Variants in RAD51B observed in about 807,000 individuals in gnomAD.
RAD51B encodes RAD51 paralog B, also known as DNA repair protein RAD51 homolog 2.
In RAD51B, 38 loss-of-function variants were observed where a neutral mutation model predicts 42.2. The ratio of observed to expected loss-of-function variants is 0.90; its 90% confidence interval spans 0.70 to 1.18. RAD51B has a LOEUF of 1.18. Ranked by LOEUF, RAD51B falls within the 50% of genes most tolerant of loss-of-function variation. The pLI is 0.00. For synonymous variants in RAD51B, 154 were observed against 145.2 expected (o/e 1.06, Z -0.43); for missense variants, 373 against 400.7 (o/e 0.93, Z 0.59).
chr14:68,239,310 T>G (rs1461768566), intron 7 of RAD51B, among the ~76,000 whole-genome samples: 1 of 152,210 alleles, frequency 6.6e-6, no homozygotes, highest in African/African-American at 2.4e-5. Context: ...ACAGCCACTC[T>G]TGATGGTATT....
intron 7 of RAD51B, among the ~76,000 whole-genome samples, chr14:67,895,440 G>A (rs1272373516): frequency 6.6e-6 from 1 of 152,120 alleles, no homozygotes; most frequent in Non-Finnish European, 1.5e-5. Context: ...TAATGGGTCT[G>A]CTTCTCTCTT....
chr14:68,634,017 G>A (rs980590364), intron 10 of RAD51B, among the ~76,000 whole-genome samples: 3 of 152,214 alleles, frequency 2.0e-5, no homozygotes, highest in African/African-American at 7.2e-5. Context: ...GACTGCTGAA[G>A]TTTGACAGGA....
At chr14:68,179,610 CCTTT>C (rs1242978804) in intron 7 of RAD51B, among the ~76,000 whole-genome samples, 2 of 152,056 alleles carry the variant, frequency 1.3e-5, no homozygotes, top group Non-Finnish European at 2.9e-5. Flanking sequence ...TGCTTCACAG[CCTTT>C]CTTATGTCAT....
chr14:68,521,197 T>G (rs1280225325), intron 10 of RAD51B, among the ~76,000 whole-genome samples: 1 of 152,122 alleles, frequency 6.6e-6, no homozygotes, highest in Non-Finnish European at 1.5e-5. Flanking sequence ...AAGGAGGCAC[T>G]CCCAGAGAGG....
chr14:68,563,724 C>T (rs1431507177), intron 10 of RAD51B: 21 of 985,132 alleles, frequency 2.1e-5, no homozygotes, highest in South Asian at 4.7e-5. Context: ...TAAATGGGAA[C>T]GAAAGAGGGA....
intron 10 of RAD51B, among the ~76,000 whole-genome samples, chr14:68,626,653 A>G (rs944717352): frequency 4.6e-5 from 7 of 152,236 alleles, no homozygotes; most frequent in African/African-American, 1.4e-4. Context: ...GACTTCTCAC[A>G]GGATGGTGGC....
chr14:68,468,348 A>T, intron 10 of RAD51B, 98 bp downstream of exon 10: 1 of 1,315,598 alleles, frequency 7.6e-7, no homozygotes, highest in Non-Finnish European at 1.1e-6. Flanking sequence ...AGCTAGCTCC[A>T]GACAGAATCA....
chr14:68,428,434 A>C (rs2084905598), intron 9 of RAD51B, among the ~76,000 whole-genome samples: 1 of 152,044 alleles, frequency 6.6e-6, no homozygotes, highest in African/African-American at 2.4e-5. Context: ...ACAGTACCTT[A>C]TTAACTGTAT....
intron 7 of RAD51B, among the ~76,000 whole-genome samples, chr14:67,996,981 G>A (rs759633661): frequency 7.2e-5 from 11 of 152,068 alleles, no homozygotes; most frequent in Non-Finnish European, 1.2e-4. Flanking sequence ...ATAAATCTAC[G>A]TTTGTTTGTT....
At chr14:68,398,153 G>A (rs3784118) in intron 8 of RAD51B, among the ~76,000 whole-genome samples, 128,672 of 152,298 alleles carry the variant, frequency 0.84, 54,731 homozygotes, top group East Asian at 0.97. Flanking sequence ...CTAAAGCTGG[G>A]GAAGGCCTGG....
chr14:68,235,494 G>A (rs1368064805), intron 7 of RAD51B, among the ~76,000 whole-genome samples: 3 of 151,544 alleles, frequency 2.0e-5, no homozygotes, highest in Admixed American at 6.6e-5. Context: ...CACGAGGTCA[G>A]GAGATCGAGA....
intron 10 of RAD51B, among the ~76,000 whole-genome samples, chr14:68,551,518 G>T (rs1160853618): frequency 1.3e-5 from 2 of 152,170 alleles, no homozygotes; most frequent in Non-Finnish European, 2.9e-5. Context: ...CCCAAGAAGT[G>T]CCTGCTTCTG....
At chr14:68,628,656 C>T (rs1892152991) in intron 10 of RAD51B, among the ~76,000 whole-genome samples, 1 of 152,196 alleles carries the variant, frequency 6.6e-6, no homozygotes, top group African/African-American at 2.4e-5. Context: ...CAAGTTGACT[C>T]TGCCGTTTGG....
intron 8 of RAD51B, among the ~76,000 whole-genome samples, chr14:68,317,570 C>T (rs1004748270): frequency 1.4e-5 from 2 of 147,592 alleles, no homozygotes; most frequent in African/African-American, 5.4e-5. Context: ...TCCCTACCCT[C>T]GGCTCCATTT....
chr14:67,869,179 A>T (rs560423410), intron 5 of RAD51B, among the ~76,000 whole-genome samples: 1 of 152,316 alleles, frequency 6.6e-6, no homozygotes, highest in African/African-American at 2.4e-5. Context: ...AAGAAGTTGA[A>T]AACTTTGAAA....
intron 7 of RAD51B, among the ~76,000 whole-genome samples, chr14:68,146,040 G>A (rs1188167061): frequency 1.4e-5 from 1 of 70,606 alleles, no homozygotes; most frequent in Non-Finnish European, 3.0e-5. Flanking sequence ...AATATAAAGG[G>A]GCCCAGGACT....
chr14:68,598,237 CTCATTCAT>C (rs35551157), downstream of RAD51B, among the ~76,000 whole-genome samples: 2 of 151,504 alleles, frequency 1.3e-5, no homozygotes, highest in African/African-American at 2.4e-5. Context: ...CAACTCAAAC[CTCATTCAT>C]TCATTCATTC....
chr14:68,629,004 T>C (rs1480040670), intron 10 of RAD51B, among the ~76,000 whole-genome samples: 2 of 152,160 alleles, frequency 1.3e-5, no homozygotes, highest in Non-Finnish European at 2.9e-5. Flanking sequence ...AAGGGGGCAG[T>C]CCTTTCTTCC....
At chr14:68,364,094 C>T (rs866405678) in intron 8 of RAD51B, among the ~76,000 whole-genome samples, 1 of 152,206 alleles carries the variant, frequency 6.6e-6, no homozygotes, top group African/African-American at 2.4e-5. Flanking sequence ...CATGTTCCTT[C>T]CCGATCCGCT....
Sources: allele counts gnomAD v4.1 joint callset (sites outside exome capture counted in the v4.1 genomes callset), GRCh38; gene constraint gnomAD v4.1.1; transcripts MANE v1.5; gene names NCBI Gene and HGNC (gene_info 2026-07-23, HGNC 2026-07-21).